LRP1B: variants seen among roughly 807,000 people sequenced by gnomAD.
The protein encoded by LRP1B is low-density lipoprotein receptor-related protein 1B.
Under a neutral mutation model 556.6 loss-of-function variants are expected in LRP1B, and 217 were observed. That is an observed-to-expected ratio of 0.39 (90% CI 0.35 to 0.44). The LOEUF is 0.44. LRP1B is among the 20% of genes least tolerant of loss of function. The pLI, the probability that LRP1B is intolerant of heterozygous loss-of-function variation, is 1.00. For missense variants in LRP1B, 5,053 were observed against 5,620.8 expected, an observed-to-expected ratio of 0.90 and a Z score of 3.23; for synonymous variants, 2,047 against 1,865.8, an observed-to-expected ratio of 1.10 and a Z score of -2.50.
At chr2:141,621,787 T>C (rs147145695) in intron 2 of LRP1B, among the ~76,000 whole-genome samples, 5 of 152,266 alleles carry the variant, frequency 3.3e-5, no homozygotes, top group African/African-American at 1.2e-4. Context: ...GGGGAAAAGA[T>C]TTTAGAGGAA....
chr2:140,500,072 A>C (rs1689113848), intron 55 of LRP1B, among the ~76,000 whole-genome samples: 1 of 152,128 alleles, frequency 6.6e-6, no homozygotes, highest in Non-Finnish European at 1.5e-5. Context: ...TCATCTCATT[A>C]AAAGATGTAC....
At position 140,886,274 on chromosome 2, in the gene LRP1B, G is replaced by A; in HGVS notation, c.3828C>T (p.His1276=). The A allele has an allele frequency of 6.2e-7, 1 of 1,609,336 alleles. No homozygotes were observed. Among genetic ancestry groups the A allele is most frequent in the African/African-American group, 1.3e-5 (1 of 74,952 alleles). ...GAACAAGTAGACTATAGTCTCTTTT[G>A]TGAAGATCAATCCTTCTGATCTCAT... ...IRHEIRRIDL[H]KRDYSLLVPG... is the part of the protein sequence containing the mutation. The change falls in exon 24 of 91, where the codon CAC becomes CAT. Residue 1276 remains histidine (H), a synonymous_variant. Transcript: ENST00000389484.
chr2:141,276,483 T>C (rs1036739827), intron 3 of LRP1B, among the ~76,000 whole-genome samples: 5 of 152,004 alleles, frequency 3.3e-5, no homozygotes, highest in African/African-American at 9.7e-5. Flanking sequence ...GTGTCTTTTG[T>C]TCCCTTCTTT....
intron 2 of LRP1B, among the ~76,000 whole-genome samples, chr2:141,584,814 T>C (rs1687079663): frequency 6.6e-6 from 1 of 152,182 alleles, no homozygotes; most frequent in Non-Finnish European, 1.5e-5. Flanking sequence ...TGATGTATAA[T>C]TCCATTTATA....
At chr2:140,980,783 C>T (rs1024000272) in intron 18 of LRP1B, among the ~76,000 whole-genome samples, 3 of 152,212 alleles carry the variant, frequency 2.0e-5, no homozygotes, top group African/African-American at 7.2e-5. Flanking sequence ...GAAAAAGACA[C>T]ATGCACACAC....
chr2:140,756,959 C>T (rs183176144), intron 35 of LRP1B, among the ~76,000 whole-genome samples: 35 of 151,902 alleles, frequency 2.3e-4, no homozygotes, highest in Non-Finnish European at 4.1e-4. Context: ...TCTAGTAACT[C>T]AATATTAAAA....
chr2:141,913,978 C>T (rs1699970039), intron 1 of LRP1B, among the ~76,000 whole-genome samples: 1 of 152,116 alleles, frequency 6.6e-6, no homozygotes. Flanking sequence ...GATCTCCTGA[C>T]CTCATGATCT....
chr2:140,832,159 C>A (rs1400974886), intron 31 of LRP1B, among the ~76,000 whole-genome samples: 1 of 151,814 alleles, frequency 6.6e-6, no homozygotes, highest in African/African-American at 2.4e-5. Flanking sequence ...CAAAGAAGGA[C>A]AGATTGAAAA....
intron 25 of LRP1B, among the ~76,000 whole-genome samples, chr2:140,878,093 TA>T (rs1241624128): frequency 6.6e-6 from 1 of 152,194 alleles, no homozygotes; most frequent in African/African-American, 2.4e-5. Context: ...TGGGAAAGGA[TA>T]AAAATGAACA....
At chr2:140,492,385 T>G (rs1017128758) in intron 57 of LRP1B, among the ~76,000 whole-genome samples, 3 of 152,222 alleles carry the variant, frequency 2.0e-5, no homozygotes, top group African/African-American at 7.2e-5. Flanking sequence ...TTGGCACACT[T>G]GTTCTAGACA....
intron 2 of LRP1B, among the ~76,000 whole-genome samples, chr2:141,632,031 C>T (rs1317611974): frequency 6.6e-6 from 1 of 151,962 alleles, no homozygotes. Flanking sequence ...GCAATCCTCC[C>T]ACCTCAGCTT....
At chr2:140,582,415 A>C (rs535417998) in intron 43 of LRP1B, among the ~76,000 whole-genome samples, 22 of 152,194 alleles carry the variant, frequency 1.4e-4, no homozygotes, top group Non-Finnish European at 2.4e-4. Flanking sequence ...TTTCTGCCCA[A>C]AGCAGGGTTA....
At chr2:141,514,359 T>C (rs1574032691) in intron 2 of LRP1B, among the ~76,000 whole-genome samples, 2 of 152,202 alleles carry the variant, frequency 1.3e-5, no homozygotes, top group African/African-American at 4.8e-5. Context: ...CGGGATCTTG[T>C]TGAACATGCA....
intron 15 of LRP1B, among the ~76,000 whole-genome samples, chr2:141,001,735 A>T (rs1010666482): frequency 3.9e-5 from 6 of 152,130 alleles, no homozygotes; most frequent in South Asian, 2.1e-4. Flanking sequence ...GAGCAAAGGC[A>T]TGATGAGACC....
chr2:141,527,166 G>C (rs1045682999), intron 2 of LRP1B, among the ~76,000 whole-genome samples: 3 of 151,956 alleles, frequency 2.0e-5, no homozygotes, highest in African/African-American at 7.2e-5. Context: ...GAAGCTCATT[G>C]CTTTTTTCCA....
At chr2:140,730,300 T>C (rs547458887) in intron 35 of LRP1B, among the ~76,000 whole-genome samples, 2 of 152,290 alleles carry the variant, frequency 1.3e-5, no homozygotes, top group South Asian at 4.1e-4. Flanking sequence ...ACATTCTTTA[T>C]GTACTTAGGT....
At chr2:140,683,638 TC>T in intron 41 of LRP1B, 1 of 693,496 alleles carries the variant, frequency 1.4e-6, no homozygotes, top group Admixed American at 1.8e-5. Context: ...TCCCAGGTAT[TC>T]CATCCGAGTC....
intron 11 of LRP1B, among the ~76,000 whole-genome samples, chr2:141,025,149 G>C (rs1698181850): frequency 6.6e-6 from 1 of 152,036 alleles, no homozygotes; most frequent in Admixed American, 6.6e-5. Context: ...ATTGGTGAGT[G>C]TATATGAGCA....
At chr2:141,043,952 G>C (rs370961532) in intron 11 of LRP1B, among the ~76,000 whole-genome samples, 1 of 151,836 alleles carries the variant, frequency 6.6e-6, no homozygotes, top group Non-Finnish European at 1.5e-5. Context: ...AAAAGAGCTC[G>C]CATCACCAAG....
Sources: allele counts gnomAD v4.1 joint callset (sites outside exome capture counted in the v4.1 genomes callset), GRCh38; gene constraint gnomAD v4.1.1; transcripts MANE v1.5; gene names NCBI Gene and HGNC (gene_info 2026-07-23, HGNC 2026-07-21).